Variants in C9orf57 observed in about 807,000 individuals in gnomAD.
The protein encoded by C9orf57 is chromosome 9 open reading frame 57, also known as uncharacterized protein C9orf57.
Under a neutral mutation model 12.9 loss-of-function variants are expected in C9orf57, and 12 were observed. The ratio of observed to expected loss-of-function variants is 0.93; its 90% CI spans 0.60 to 1.51. The LOEUF (loss-of-function observed/expected upper bound fraction) is 1.51. Ranked by LOEUF, C9orf57 falls within the 40% of genes most tolerant of loss-of-function variation. The pLI, the probability that C9orf57 is intolerant of heterozygous loss-of-function variation, is 0.00. For missense variants in C9orf57, 141 were observed against 162.8 expected (o/e 0.87, Z 0.73); for synonymous variants, 49 against 57.1 (o/e 0.86, Z 0.64).
Position 72,059,321 on chromosome 9 carries a change from A to G in C9orf57, c.11T>C (p.Ile4Thr), listed in dbSNP as rs1205298709. ...GAATAAGATAACACCAGCAAAAACA[A>G]TCCTTCTCATTCTGATTTCCAAGCC... The part of the protein sequence containing the change: MRR[I>T]VFAGVILFRL... Residue 4 changes from isoleucine (I) to threonine (T), a missense_variant, in exon 2 of 5, where the codon ATT becomes ACT. Ile to Thr is a moderately conservative substitution (Grantham distance 89). Coordinates refer to ENST00000651200, the MANE Select transcript of C9orf57 (RefSeq NM_001128618.2). The G allele has an allele frequency of 3.2e-6, 5 of 1,551,732 alleles. No homozygotes were observed. The Admixed American group carries it at 5.9e-5, about 18-fold the overall frequency.
chr9:72,060,573 T>G lies in C9orf57; in HGVS notation c.-130A>C, dbSNP rs1338196524. Reference sequence around the variant, plus strand: ...TAAAAGGATGAGAACGAGTACAATTTGTGATGTGATGAAGTCCGTTACAAC... The same window carrying G: ...TAAAAGGATGAGAACGAGTACAATTGGTGATGTGATGAAGTCCGTTACAAC... On this transcript the variant is annotated 5_prime_UTR_variant, in exon 1 of 5. Transcript: ENST00000651200. 22 of 1,542,906 alleles carry G rather than the reference T, an allele frequency of 1.4e-5. No homozygotes were observed. The Middle Eastern group carries it at 8.4e-4, about 59-fold the overall frequency.
intron 1 of C9orf57, 54 bp from the exon 2 acceptor site, chr9:72,059,438 G>C (rs1824282386): frequency 6.6e-6 from 10 of 1,519,420 alleles, no homozygotes; most frequent in Non-Finnish European, 8.0e-6. Context: ...AAACGGAAAG[G>C]ACTGGTTAAG....
Position 72,052,043 on chromosome 9 carries a change from A to C in C9orf57, c.*253T>G. On this transcript the variant is annotated 3_prime_UTR_variant, in exon 5 of 5. Transcript: ENST00000651200. ...TCCTTCTTTGTAGCCTTGTGGTAGG[A>C]AGGTAAATTAAGCAGAAGGAGGAGA... The C allele has an allele frequency of 2.5e-6, 1 of 403,942 alleles. No homozygotes were observed. Among genetic ancestry groups the C allele is most frequent in the Non-Finnish European group, 4.4e-6 (1 of 226,424 alleles). The allele number at this position is 403,942 out of a possible 1,614,324, so 25.0% of individuals were successfully genotyped here.
At chr9:72,058,668 T>G (rs1019804574) in intron 2 of C9orf57, among the ~76,000 whole-genome samples, 2 of 152,192 alleles carry the variant, frequency 1.3e-5, no homozygotes, top group Admixed American at 1.3e-4. Context: ...GTTTACCAGA[T>G]GTTTTCTGCA....
In C9orf57 at chr9:72,059,314, A is replaced by G; in HGVS notation, c.18T>C (p.Phe6=). The stretch of plus-strand genomic sequence containing the variant: ...AGAGGCGGAATAAGATAACACCAGC[A>G]AAAACAATCCTTCTCATTCTGATTT... The part of the protein sequence containing the change: MRRIV[F]AGVILFRLLG... The change falls in exon 2 of 5, where the codon TTT becomes TTC. Residue 6 remains phenylalanine, a synonymous_variant. Coordinates refer to ENST00000651200, the MANE Select transcript of C9orf57 (RefSeq NM_001128618.2). 1 of 1,551,824 alleles carries G rather than the reference A, an allele frequency of 6.4e-7. No individual in the cohort carries two copies. Among genetic ancestry groups the G allele is most frequent in the South Asian group, 1.2e-5 (1 of 84,064 alleles).
chr9:72,053,697 G>A (rs865830858), intron 4 of C9orf57, among the ~76,000 whole-genome samples: 12 of 152,096 alleles, frequency 7.9e-5, no homozygotes, highest in Admixed American at 2.6e-4. Context: ...ATACCAAAAC[G>A]CCTTGCGACG....
chr9:72,054,914 A>ATTTTTTTTTT (rs71353558), intron 4 of C9orf57, among the ~76,000 whole-genome samples: 11 of 96,516 alleles, frequency 1.1e-4, no homozygotes, highest in Non-Finnish European at 1.5e-4. Flanking sequence ...GGGGTTTGGG[A>ATTTTTTTTTT]TTTTTTTTTT....
At chr9:72,058,692 C>T (rs1257976813) in intron 2 of C9orf57, among the ~76,000 whole-genome samples, 1 of 152,170 alleles carries the variant, frequency 6.6e-6, no homozygotes, top group East Asian at 1.9e-4. Context: ...TGTTTTATAT[C>T]TCCCTCTGCC....
At chr9:72,055,365 C>T (rs1212160264) in intron 4 of C9orf57, among the ~76,000 whole-genome samples, 1 of 22,008 alleles carries the variant, frequency 4.5e-5, no homozygotes, top group African/African-American at 1.4e-4. Flanking sequence ...TCCCTCCCTC[C>T]CTCCCTCCCT....
At chr9:72,055,470 G>A (rs937305451) in intron 4 of C9orf57, among the ~76,000 whole-genome samples, 7 of 146,248 alleles carry the variant, frequency 4.8e-5, no homozygotes, top group Non-Finnish European at 8.9e-5. Flanking sequence ...CATTGTTCAG[G>A]CTAGAGTGTA....
intron 4 of C9orf57, among the ~76,000 whole-genome samples, chr9:72,054,914 A>ATTTTTTTTTTT (rs71353558): frequency 1.3e-4 from 13 of 96,516 alleles, no homozygotes; most frequent in Non-Finnish European, 1.9e-4. Flanking sequence ...GGGGTTTGGG[A>ATTTTTTTTTTT]TTTTTTTTTT....
At position 72,059,243 on chromosome 9, in the gene C9orf57, C is replaced by T. The variant is rs921480817; in HGVS notation, c.89G>A (p.Arg30His). ...FRLLGVILFG[R>H]LGDLGTCQTK... is the part of the protein sequence containing the mutation. ...CTTTCCTAATGACTTACCACCTAAG[C>T]GGCCGAATAAGATAACACCTAAGAG... Residue 30 changes from arginine (R) to histidine (H), a missense_variant, in exon 2 of 5, where the codon CGC becomes CAC. Arg to His is a conservative substitution (Grantham distance 29). Transcript: ENST00000651200. 29 of 1,551,550 alleles carry T rather than the reference C, an allele frequency of 1.9e-5. No homozygotes were observed. The highest frequency in any genetic ancestry group is 1.8e-4 in the African/African-American group (13 of 73,144).
chr9:72,052,544 G>A (rs1433530450), intron 4 of C9orf57, 109 bp from the exon 5 acceptor site: 2 of 1,013,690 alleles, frequency 2.0e-6, no homozygotes, highest in Non-Finnish European at 1.4e-6. Flanking sequence ...TTTTATCAAG[G>A]TACGAATCTA....
chr9:72,060,484 G>C lies in C9orf57; in HGVS notation c.-54+13C>G, dbSNP rs1294221227. 2 of 1,273,138 alleles carry C rather than the reference G, an allele frequency of 1.6e-6. No homozygotes were observed. Among genetic ancestry groups the C allele is most frequent in the South Asian group, 2.6e-5 (2 of 78,270 alleles). 78.9% of individuals were successfully genotyped at this position (1,273,138 alleles called of 1,614,324 possible). A position where few individuals can be genotyped will look rare whatever the true frequency, so the allele number is the denominator to read the frequency against. The stretch of plus-strand genomic sequence containing the variant: ...TTGGGTAAAGTATAATATTTCAGTT[G>C]TTCATGACCTACCTATCTTTTTCAT... On this transcript the variant is annotated intron_variant, in intron 1 of 4. Transcript: ENST00000651200.
At position 72,056,066 on chromosome 9, in the gene C9orf57, A is replaced by G. The variant is rs1176647033; in HGVS notation, c.280+8T>C. The G allele has an allele frequency of 3.9e-6, 6 of 1,544,960 alleles. No homozygotes were observed. The highest frequency in any genetic ancestry group is 5.2e-6 in the Non-Finnish European group (6 of 1,143,390). Reference sequence around the variant, plus strand: ...TTTAATTAAAATTTTTAAAGTGTCAAAACTTACCTTGAATGTGGACCTCTT... The same window carrying G: ...TTTAATTAAAATTTTTAAAGTGTCAGAACTTACCTTGAATGTGGACCTCTT... On this transcript the variant is annotated splice_region_variant and intron_variant, in intron 4 of 4. Coordinates refer to ENST00000651200, the MANE Select transcript of C9orf57 (RefSeq NM_001128618.2).
At chr9:72,054,162 C>A (rs1824140083) in intron 4 of C9orf57, among the ~76,000 whole-genome samples, 1 of 152,198 alleles carries the variant, frequency 6.6e-6, no homozygotes, top group South Asian at 2.1e-4. Flanking sequence ...CCACACCCGG[C>A]TAATTTTGTA....
chr9:72,052,562 C>T, intron 4 of C9orf57, 127 bp from the exon 5 acceptor site: 2 of 849,564 alleles, frequency 2.4e-6, no homozygotes, highest in East Asian at 2.8e-5. Flanking sequence ...CTAGCATTTC[C>T]ACCATTAAGA....
Position 72,060,538 on chromosome 9 carries a change from T to A in C9orf57, c.-95A>T. 1 of 1,549,226 alleles carries A rather than the reference T, an allele frequency of 6.5e-7. No individual in the cohort carries two copies. Among genetic ancestry groups the A allele is most frequent in the Non-Finnish European group, 8.7e-7 (1 of 1,145,044 alleles). On this transcript the variant is annotated 5_prime_UTR_variant, in exon 1 of 5. Transcript: ENST00000651200. The stretch of plus-strand genomic sequence containing the variant: ...GGTACTATGGAAATTTTCCTGGGTC[T>A]GAACTTTCTTAAAAGGATGAGAACG...
In C9orf57 at chr9:72,060,590, C is replaced by T. The variant is rs1364494787; in HGVS notation, c.-147G>A. 13 of 1,526,722 alleles carry T rather than the reference C, an allele frequency of 8.5e-6. No individual in the cohort carries two copies. The African/African-American group carries it at 1.5e-4, about 18-fold the overall frequency. The allele number at this position is 1,526,722 out of a possible 1,614,324, so 94.6% of individuals were successfully genotyped here. The stretch of plus-strand genomic sequence containing the variant: ...GTACAATTTGTGATGTGATGAAGTC[C>T]GTTACAACTGAAAGCGACACTCTGA... On this transcript the variant is annotated 5_prime_UTR_variant, in exon 1 of 5. Transcript: ENST00000651200.
Sources: gnomAD v4.1 joint callset for allele counts (sites outside exome capture counted in the v4.1 genomes callset) on GRCh38, gnomAD v4.1.1 for gene constraint, MANE v1.5 for transcripts, NCBI Gene and HGNC (gene_info 2026-07-23, HGNC 2026-07-21) for gene names.